MAGEA4: variants seen among roughly 807,000 people sequenced by gnomAD.
MAGEA4 encodes the protein melanoma-associated antigen 4.
In MAGEA4, 1 loss-of-function variant was observed where a neutral mutation model predicts 13.7. The ratio of observed to expected loss-of-function variants is 0.07; its 90% CI spans 0.03 to 0.35. The LOEUF (loss-of-function observed/expected upper bound fraction) is 0.35. Among genes scored for constraint, MAGEA4 ranks in the 10% least tolerant of loss-of-function variants. The probability of loss-of-function intolerance (pLI) is 0.99; values close to 1 mark genes in which losing one functional copy is unlikely to be tolerated. For synonymous variants in MAGEA4, 132 were observed against 101.1 expected (o/e 1.31, Z -1.83); for missense variants, 312 against 245.1 (o/e 1.27, Z -1.82).
intron 1 of MAGEA4, among the ~76,000 whole-genome samples, chrX:151,921,307 C>T (rs773478380): frequency 2.6e-4 from 29 of 112,265 alleles, no homozygotes; most frequent in Admixed American, 3.7e-4. Flanking sequence ...CAGTTGAGAT[C>T]GGCTGAGGGG....
chrX:151,925,023 T>G lies in MAGEA4; in HGVS notation c.*405T>G. 2 of 133,439 alleles carry G rather than the reference T, an allele frequency of 1.5e-5. No homozygotes were observed. Among genetic ancestry groups the G allele is most frequent in the Non-Finnish European group, 3.4e-5 (2 of 59,547 alleles). 11.0% of individuals were successfully genotyped at this position (133,439 alleles called of 1,213,427 possible). ...TTAGAAGTGTGAATTCACCGTGAAA[T>G]AGGTGAGATAAATTAAAAGATACTT... On this transcript the variant is annotated 3_prime_UTR_variant, in exon 3 of 3. Coordinates refer to ENST00000276344, the MANE Select transcript of MAGEA4 (RefSeq NM_001011548.1).
rs1335102105 is a variant in MAGEA4, at chrX:151,924,789, G to A, written c.*171G>A. ...GGGTTTCTATTTTGTTGGATGACTT[G>A]GAGATTTATCTCTGTTTCCTTTTAC... On this transcript the variant is annotated 3_prime_UTR_variant, in exon 3 of 3. Transcript: ENST00000276344. 4 of 451,148 alleles carry A rather than the reference G, an allele frequency of 8.9e-6. No homozygotes were observed. Among genetic ancestry groups the A allele is most frequent in the African/African-American group, 7.4e-5 (3 of 40,463 alleles). 37.2% of individuals were successfully genotyped at this position (451,148 alleles called of 1,213,427 possible).
At chrX:151,918,956 G>C (rs1018158294) in intron 1 of MAGEA4, 26 of 748,878 alleles carry the variant, frequency 3.5e-5, no homozygotes, top group Non-Finnish European at 4.1e-5. Context: ...GCGCATTCGG[G>C]GTTAGAGAGA....
Position 151,924,632 on chromosome X carries a change from C to T in MAGEA4, c.*14C>T, listed in dbSNP as rs761425574. ...GAGGGAGTCTGAGCATGAGTTGCAGCCAGGGCTGTGGGGAAGGGGCAGGGC... is the reference window on the plus strand; with the variant it reads ...GAGGGAGTCTGAGCATGAGTTGCAGTCAGGGCTGTGGGGAAGGGGCAGGGC... On this transcript the variant is annotated 3_prime_UTR_variant, in exon 3 of 3. Transcript: ENST00000276344. The T allele has an allele frequency of 2.5e-5, 29 of 1,172,399 alleles. No individual in the cohort carries two copies. In the Admixed American group the frequency reaches 6.8e-4, roughly 28 times the overall value.
intron 1 of MAGEA4, among the ~76,000 whole-genome samples, chrX:151,922,686 A>G (rs1194881678): frequency 4.5e-5 from 5 of 111,196 alleles, no homozygotes; most frequent in African/African-American, 1.6e-4. Flanking sequence ...GCAGATGATG[A>G]CCCCACAGAA....
intron 1 of MAGEA4, chrX:151,918,407 C>T (rs1933187871): frequency 3.6e-6 from 1 of 278,091 alleles, no homozygotes; most frequent in Non-Finnish European, 4.3e-6. Context: ...TAGACGACCC[C>T]AAATAATCCC....
chrX:151,924,794 T>G lies in MAGEA4; in HGVS notation c.*176T>G. On this transcript the variant is annotated 3_prime_UTR_variant, in exon 3 of 3. Coordinates refer to ENST00000276344, the MANE Select transcript of MAGEA4 (RefSeq NM_001011548.1). ...TCTATTTTGTTGGATGACTTGGAGA[T>G]TTATCTCTGTTTCCTTTTACAATTG... is the stretch of plus-strand genomic sequence containing the variant. The G allele has an allele frequency of 2.3e-6, 1 of 428,553 alleles. No homozygotes were observed. 35.3% of individuals were successfully genotyped at this position (428,553 alleles called of 1,213,427 possible).
rs1382168169 is a variant in MAGEA4, at chrX:151,923,650, C to G, written c.-15C>G. On this transcript the variant is annotated 5_prime_UTR_variant, in exon 3 of 3. Transcript: ENST00000276344. Reference sequence around the variant, plus strand: ...TTTGCCTGCACTCTTGCCTGCTGCCCTGACCAGAGTCATCATGTCTTCTGA... The same window carrying G: ...TTTGCCTGCACTCTTGCCTGCTGCCGTGACCAGAGTCATCATGTCTTCTGA... The G allele has an allele frequency of 1.7e-6, 2 of 1,209,391 alleles. No homozygotes were observed. Among genetic ancestry groups the G allele is most frequent in the Admixed American group, 4.4e-5 (2 of 45,841 alleles).
upstream of MAGEA4, chrX:151,912,854 C>A: frequency 6.8e-6 from 1 of 147,011 alleles, no homozygotes; most frequent in South Asian, 1.5e-4. Context: ...CCCAGCTGCC[C>A]GGATGTGATG....
chrX:151,912,699 C>T, upstream of MAGEA4: 1 of 201,595 alleles, frequency 5.0e-6, no homozygotes. Context: ...TCCTCCCCAA[C>T]CCCGTGCCAC....
chrX:151,921,178 C>T (rs1933419461), intron 1 of MAGEA4, among the ~76,000 whole-genome samples: 6 of 112,441 alleles, frequency 5.3e-5, no homozygotes, highest in Admixed American at 3.7e-4. Context: ...CATTCCTTGC[C>T]CTCCACCCTC....
upstream of MAGEA4, chrX:151,912,872 C>T (rs980037339): frequency 2.9e-5 from 4 of 135,988 alleles, no homozygotes; most frequent in Non-Finnish European, 5.6e-5. Flanking sequence ...ATGCCACTGA[C>T]TTGCGCACTG....
intron 1 of MAGEA4, among the ~76,000 whole-genome samples, chrX:151,923,103 C>T (rs1933522742): frequency 8.9e-6 from 1 of 111,847 alleles, no homozygotes; most frequent in African/African-American, 3.3e-5. Flanking sequence ...ATCATCCACT[C>T]CATGAGAGTG....
upstream of MAGEA4, chrX:151,912,529 T>C: frequency 2.7e-6 from 1 of 367,605 alleles, no homozygotes. Flanking sequence ...GCGCAGGCTC[T>C]GTGAGGAGGC....
At chrX:151,913,244 G>T (rs1603062854) in intron 1 of MAGEA4, among the ~76,000 whole-genome samples, 1 of 108,155 alleles carries the variant, frequency 9.2e-6, no homozygotes, top group Non-Finnish European at 1.9e-5. Context: ...TTCCCATCCC[G>T]CAACCCCATT....
At position 151,923,710 on chromosome X, in the gene MAGEA4, G is replaced by A. The variant is rs142773415; in HGVS notation, c.46G>A (p.Val16Ile). ...TCAGCACTGCAAGCCTGAGGAAGGCGTTGAGGCCCAAGAAGAGGCCCTGGG... is the reference window on the plus strand; with the variant it reads ...TCAGCACTGCAAGCCTGAGGAAGGCATTGAGGCCCAAGAAGAGGCCCTGGG... ...KSQHCKPEEG[V>I]EAQEEALGLV... is the part of the protein sequence containing the mutation. Residue 16 changes from valine (V) to isoleucine (I), a missense_variant, in exon 3 of 3, where the codon GTT becomes ATT. Val to Ile is a conservative substitution (Grantham distance 29, BLOSUM62 3). Coordinates refer to ENST00000276344, the MANE Select transcript of MAGEA4 (RefSeq NM_001011548.1). 2.9e-4 allele frequency: 349 copies of A among 1,209,564 alleles called. No individual in the cohort carries two copies. The African/African-American group carries it at 5.3e-3, about 18-fold the overall frequency.
chrX:151,922,154 G>T (rs1027882323), intron 1 of MAGEA4, among the ~76,000 whole-genome samples: 1 of 111,132 alleles, frequency 9.0e-6, no homozygotes, highest in Non-Finnish European at 1.9e-5. Flanking sequence ...GGATCTACAG[G>T]ACCCAAGGTG....
intron 1 of MAGEA4, among the ~76,000 whole-genome samples, chrX:151,920,427 G>A (rs989433617): frequency 4.5e-5 from 5 of 110,488 alleles, no homozygotes; most frequent in Non-Finnish European, 7.6e-5. Context: ...CCCCACTGCC[G>A]CTGAAGCCGC....
rs748897879 is a variant in MAGEA4, at chrX:151,924,613, G to A, written c.949G>A (p.Val317Ile). 1 of 1,182,023 alleles carries A rather than the reference G, an allele frequency of 8.5e-7. No homozygotes were observed. The highest frequency in any genetic ancestry group is 1.1e-6 in the Non-Finnish European group (1 of 879,916). Residue 317 changes from valine to isoleucine, a missense_variant, in exon 3 of 3, where the codon GTC becomes ATC. Physicochemically the swap from Val to Ile is conservative, Grantham distance 29 (BLOSUM62 3). Coordinates refer to ENST00000276344, the MANE Select transcript of MAGEA4 (RefSeq NM_001011548.1). ...AGCTTTGTTAGAGGAGGAAGAGGGAGTCTGAGCATGAGTTGCAGCCAGGGC... is the reference window on the plus strand; with the variant it reads ...AGCTTTGTTAGAGGAGGAAGAGGGAATCTGAGCATGAGTTGCAGCCAGGGC... ...EAALLEEEEGV is the reference protein window; with the variant it reads ...EAALLEEEEGI
Sources: allele counts gnomAD v4.1 joint callset (sites outside exome capture counted in the v4.1 genomes callset), GRCh38; gene constraint gnomAD v4.1.1; transcripts MANE v1.5; gene names NCBI Gene and HGNC (gene_info 2026-07-23, HGNC 2026-07-21).